The following ELOVL7 variants were observed in gnomAD, a reference collection of about 807,000 sequenced individuals.
ELOVL7 encodes ELOVL fatty acid elongase 7, also known as very long chain fatty acid elongase 7.
Under a neutral mutation model 35.7 loss-of-function variants are expected in ELOVL7, and 27 were observed. That is an observed-to-expected ratio of 0.76 (90% confidence interval 0.56 to 1.04). The LOEUF is 1.04. ELOVL7 is among the 50% of genes least tolerant of loss of function. ELOVL7 has a pLI of 0.00. For missense variants in ELOVL7, 327 were observed against 340.8 expected (o/e 0.96, Z 0.32); for synonymous variants, 113 against 114.6 (o/e 0.99, Z 0.09).
At chr5:60,814,931 C>G (rs1233916987) in intron 1 of ELOVL7, among the ~76,000 whole-genome samples, 1 of 152,226 alleles carries the variant, frequency 6.6e-6, no homozygotes, top group Non-Finnish European at 1.5e-5. Context: ...CCATTTACTG[C>G]TCCTAAAATC....
intron 7 of ELOVL7, 105 bp downstream of exon 7, chr5:60,764,120 CTT>C (rs986305381): frequency 3.0e-5 from 22 of 740,282 alleles, no homozygotes; most frequent in African/African-American, 1.6e-4. Context: ...CAAAGTGACT[CTT>C]TGATTTTTTT....
chr5:60,814,427 A>G (rs892180854), intron 1 of ELOVL7, among the ~76,000 whole-genome samples: 1 of 152,166 alleles, frequency 6.6e-6, no homozygotes, highest in Non-Finnish European at 1.5e-5. Context: ...TACCACAAGC[A>G]GTACAACTAG....
At chr5:60,837,326 T>TGGGG (rs1471299589) in intron 1 of ELOVL7, among the ~76,000 whole-genome samples, 3 of 25,048 alleles carry the variant, frequency 1.2e-4, no homozygotes, top group Admixed American at 4.4e-4. Context: ...GGGGGGGGAG[T>TGGGG]GGGGGGTGGG....
chr5:60,787,002 G>A (rs961650487), intron 3 of ELOVL7, among the ~76,000 whole-genome samples: 1 of 151,902 alleles, frequency 6.6e-6, no homozygotes, highest in Non-Finnish European at 1.5e-5. Flanking sequence ...TTTCCCTCAG[G>A]AGCATTAGGG....
Position 60,783,991 on chromosome 5 carries a change from T to C in ELOVL7, c.64+3343A>G, listed in dbSNP as rs1165396425. On this transcript the variant is annotated intron_variant, in intron 3 of 8. Transcript: ENST00000508821. ...TGGGAAGGCAGGCTGTCTGACAGTC[T>C]ATACCCCAATGATTACCAAAGTTCT... The C allele has an allele frequency of 4.5e-6, 3 of 668,852 alleles. No homozygotes were observed. The East Asian group carries it at 8.2e-5, about 18-fold the overall frequency. 41.4% of individuals were successfully genotyped at this position (668,852 alleles called of 1,614,324 possible). A position where few individuals can be genotyped will look rare whatever the true frequency, so the allele number is the denominator to read the frequency against.
At chr5:60,843,300 G>C (rs1054928647) in intron 1 of ELOVL7, 23 of 152,182 alleles carry the variant, frequency 1.5e-4, no homozygotes, top group Admixed American at 4.6e-4. Context: ...CGCTCTGTCC[G>C]CACCGGGTGA....
chr5:60,840,957 C>T (rs1382052483), intron 1 of ELOVL7, among the ~76,000 whole-genome samples: 1 of 147,778 alleles, frequency 6.8e-6, no homozygotes, highest in Non-Finnish European at 1.5e-5. Flanking sequence ...CTGAAAATTA[C>T]ATAAGATGAA....
intron 1 of ELOVL7, among the ~76,000 whole-genome samples, chr5:60,810,796 AG>A (rs947342687): frequency 6.6e-6 from 1 of 152,154 alleles, no homozygotes; most frequent in African/African-American, 2.4e-5. Context: ...AAGTTCTTGT[AG>A]GGTAGGGTGG....
chr5:60,789,405 T>C (rs1743789434), intron 2 of ELOVL7, among the ~76,000 whole-genome samples: 1 of 152,210 alleles, frequency 6.6e-6, no homozygotes, highest in Non-Finnish European at 1.5e-5. Context: ...TTTTTGTCTA[T>C]TGAATAGGCC....
At chr5:60,759,604 TTTTC>T (rs1741757688) in intron 7 of ELOVL7, among the ~76,000 whole-genome samples, 1 of 115,224 alleles carries the variant, frequency 8.7e-6, no homozygotes, top group Non-Finnish European at 1.6e-5. Context: ...GGCGTGCCTA[TTTTC>T]TTTTTTTTTT....
chr5:60,759,423 T>C (rs1741745207), intron 7 of ELOVL7, among the ~76,000 whole-genome samples: 2 of 152,168 alleles, frequency 1.3e-5, no homozygotes, highest in African/African-American at 4.8e-5. Context: ...AGAATAGTTG[T>C]CTACTTCTGA....
chr5:60,798,840 C>T (rs566707730), intron 2 of ELOVL7, among the ~76,000 whole-genome samples: 6 of 152,250 alleles, frequency 3.9e-5, no homozygotes, highest in Admixed American at 2.0e-4. Context: ...ACTTGAAGTA[C>T]GCGTTAGACT....
chr5:60,788,572 G>A (rs1232061012), intron 2 of ELOVL7, among the ~76,000 whole-genome samples: 1 of 151,988 alleles, frequency 6.6e-6, no homozygotes, highest in African/African-American at 2.4e-5. Context: ...GTCAGGAGTT[G>A]GAGACCAGCC....
chr5:60,792,278 C>T (rs1743985878), intron 2 of ELOVL7, among the ~76,000 whole-genome samples: 1 of 152,016 alleles, frequency 6.6e-6, no homozygotes, highest in Non-Finnish European at 1.5e-5. Flanking sequence ...TATTTGTGGG[C>T]CCACCAGAAG....
intron 3 of ELOVL7, among the ~76,000 whole-genome samples, chr5:60,780,636 G>A (rs1055610366): frequency 1.3e-5 from 2 of 152,124 alleles, no homozygotes; most frequent in Non-Finnish European, 2.9e-5. Context: ...AAATTTGCTG[G>A]GGAGGCCTCA....
At position 60,767,950 on chromosome 5, in the gene ELOVL7, C is replaced by T. The variant is rs200844918; in HGVS notation, c.256-47G>A. ...TTAAGAAAGGAAAGCATTTTCCCAACAGCCACAACAAAGGTAGTTTTGATA... is the reference window on the plus strand; with the variant it reads ...TTAAGAAAGGAAAGCATTTTCCCAATAGCCACAACAAAGGTAGTTTTGATA... On this transcript the variant is annotated intron_variant, in intron 4 of 8. Transcript: ENST00000508821. 21 of 1,462,958 alleles carry T rather than the reference C, an allele frequency of 1.4e-5. No homozygotes were observed. The East Asian group carries it at 4.1e-4, about 28-fold the overall frequency. 90.6% of individuals were successfully genotyped at this position (1,462,958 alleles called of 1,614,324 possible). A position where few individuals can be genotyped will look rare whatever the true frequency, so the allele number is the denominator to read the frequency against.
intron 1 of ELOVL7, among the ~76,000 whole-genome samples, chr5:60,822,686 T>C (rs931309619): frequency 1.3e-5 from 2 of 152,018 alleles, no homozygotes; most frequent in African/African-American, 2.4e-5. Context: ...AGAACAATAG[T>C]GGTCTAAAGA....
rs982831704 is a variant in ELOVL7 at position 60,752,919 on chromosome 5, G to A, written c.*1705C>T. 15 of 151,520 alleles carry A rather than the reference G, an allele frequency of 9.9e-5. No homozygotes were observed. Among genetic ancestry groups the A allele is most frequent in the Admixed American group, 9.9e-4 (15 of 15,214 alleles). The allele number at this position is 151,520 out of a possible 1,614,324, so 9.4% of individuals were successfully genotyped here. A position where few individuals can be genotyped will look rare whatever the true frequency, so the allele number is the denominator to read the frequency against. On this transcript the variant is annotated 3_prime_UTR_variant, in exon 9 of 9. Transcript: ENST00000508821. Reference sequence around the variant, plus strand: ...GATTGTGCCATTGCACTCTAGCCTGGGCAACAAGAGTAAAACTCTGCTTCA... The same window carrying A: ...GATTGTGCCATTGCACTCTAGCCTGAGCAACAAGAGTAAAACTCTGCTTCA...
At chr5:60,831,232 G>C (rs16878466) in intron 1 of ELOVL7, among the ~76,000 whole-genome samples, 1,996 of 152,288 alleles carry the variant, frequency 0.013, 21 homozygotes, top group Non-Finnish European at 0.021. Context: ...AGTCTGTACA[G>C]TTGGTTCATG....
Sources: gnomAD v4.1 joint callset for allele counts (sites outside exome capture counted in the v4.1 genomes callset) on GRCh38, gnomAD v4.1.1 for gene constraint, MANE v1.5 for transcripts, NCBI Gene and HGNC (gene_info 2026-07-23, HGNC 2026-07-21) for gene names.